Variants in FRMPD4 observed in about 807,000 individuals in gnomAD.
FRMPD4 encodes the protein FERM and PDZ domain-containing protein 4.
In FRMPD4, 22 loss-of-function variants were observed where a neutral mutation model predicts 94.1. The ratio of observed to expected loss-of-function variants is 0.23; its 90% CI spans 0.17 to 0.33. The LOEUF (loss-of-function observed/expected upper bound fraction) is 0.33, where lower values mean the gene tolerates loss of function less well. Ranked by LOEUF, FRMPD4 falls within the 10% of genes least tolerant of loss-of-function variation. The pLI, the probability that FRMPD4 is intolerant of heterozygous loss-of-function variation, is 1.00. For synonymous variants in FRMPD4, 631 were observed against 548.6 expected (o/e 1.15, Z -2.10); for missense variants, 1,111 against 1,339.9 (o/e 0.83, Z 2.67).
chrX:12,526,978 A>T (rs923120823), intron 2 of FRMPD4, among the ~76,000 whole-genome samples: 11 of 110,163 alleles, frequency 1.0e-4, no homozygotes, highest in African/African-American at 3.0e-4. Context: ...TACAAGTTTA[A>T]AAAAAAAAGT....
intron 1 of FRMPD4, among the ~76,000 whole-genome samples, chrX:12,224,482 A>G (rs1330605304): frequency 9.0e-6 from 1 of 111,405 alleles, no homozygotes; most frequent in African/African-American, 3.3e-5. Flanking sequence ...TGGATATTTT[A>G]AATGAACAGA....
At chrX:12,504,016 T>G (rs1032819806) in intron 2 of FRMPD4, among the ~76,000 whole-genome samples, 2 of 112,275 alleles carry the variant, frequency 1.8e-5, no homozygotes, top group Non-Finnish European at 1.9e-5. Flanking sequence ...TCCCCTGTGA[T>G]ATTTTTATAT....
intron 1 of FRMPD4, among the ~76,000 whole-genome samples, chrX:12,497,358 G>A (rs948870261): frequency 2.7e-5 from 3 of 110,204 alleles, no homozygotes; most frequent in African/African-American, 9.9e-5. Context: ...CTCTACTAGC[G>A]TAGAGAAATT....
upstream of FRMPD4, among the ~76,000 whole-genome samples, chrX:12,135,829 C>G (rs746820326): frequency 7.9e-4 from 89 of 112,026 alleles, no homozygotes; most frequent in Non-Finnish European, 8.3e-4. Context: ...CAACTGTTCT[C>G]TTCTCAGAAG....
At chrX:12,307,236 C>A (rs12834773) in intron 1 of FRMPD4, among the ~76,000 whole-genome samples, 4,575 of 112,004 alleles carry the variant, frequency 0.041, 112 homozygotes, top group South Asian at 0.065. Flanking sequence ...AGATAATAAT[C>A]TGGTGGCTTG....
intron 1 of FRMPD4, among the ~76,000 whole-genome samples, chrX:12,426,285 C>T (rs1293966152): frequency 9.0e-6 from 1 of 110,744 alleles, no homozygotes; most frequent in Non-Finnish European, 1.9e-5. Flanking sequence ...ATCCTGATTG[C>T]CTGTGAAGAA....
At chrX:12,016,399 T>G (rs887670172) in intron 3 of FRMPD4, among the ~76,000 whole-genome samples, 2 of 112,071 alleles carry the variant, frequency 1.8e-5, no homozygotes, top group African/African-American at 6.5e-5. Flanking sequence ...GTGGAGTGAA[T>G]TGATTTTATA....
At chrX:12,061,064 T>C (rs1320088110) in intron 3 of FRMPD4, among the ~76,000 whole-genome samples, 1 of 112,288 alleles carries the variant, frequency 8.9e-6, no homozygotes, top group Non-Finnish European at 1.9e-5. Flanking sequence ...AAGACAAGTT[T>C]ATTAATGTGT....
At chrX:12,313,782 A>G (rs779399214) in intron 1 of FRMPD4, among the ~76,000 whole-genome samples, 2 of 111,417 alleles carry the variant, frequency 1.8e-5, no homozygotes, top group African/African-American at 3.3e-5. Flanking sequence ...TTTTTATTGT[A>G]TGAATCTGGT....
chrX:12,271,102 A>G (rs1362461531), intron 1 of FRMPD4, among the ~76,000 whole-genome samples: 1 of 112,054 alleles, frequency 8.9e-6, no homozygotes, highest in Non-Finnish European at 1.9e-5. Context: ...ATTCCCATAT[A>G]CACTAGGTAA....
chrX:12,477,387 T>C (rs2057616042), intron 1 of FRMPD4, among the ~76,000 whole-genome samples: 2 of 111,950 alleles, frequency 1.8e-5, no homozygotes, highest in Admixed American at 1.9e-4. Context: ...CACACCAACA[T>C]GGCACACGTA....
At position 12,716,353 on chromosome X, in the gene FRMPD4, A is replaced by G. The variant is rs148161958; in HGVS notation, c.1894A>G (p.Thr632Ala). Residue 632 changes from threonine to alanine, a missense_variant, in exon 15 of 17, where the codon ACC becomes GCC. Thr to Ala is a moderately conservative substitution (Grantham distance 58). Transcript: ENST00000675598. Reference sequence around the variant, plus strand: ...AAGTCTAGCTCAGCGGTCCCTATTGACCCTCTCAGGACCAGAAACTCTGAA... The same window carrying G: ...AAGTCTAGCTCAGCGGTCCCTATTGGCCCTCTCAGGACCAGAAACTCTGAA... ...YRSLAQRSLL[T>A]LSGPETLKKA... 3 of 1,209,644 alleles carry G rather than the reference A, an allele frequency of 2.5e-6. No homozygotes were observed. The highest frequency in any genetic ancestry group is 3.4e-6 in the Non-Finnish European group (3 of 894,946).
In FRMPD4 at chrX:12,222,869, T is replaced by A. The variant is rs746337526; in HGVS notation, c.41+83857T>A. On this transcript the variant is annotated intron_variant, in intron 1 of 16. Coordinates refer to ENST00000675598, the MANE Select transcript of FRMPD4 (RefSeq NM_001368397.1). The stretch of plus-strand genomic sequence containing the variant: ...AGTATTCTGTTGTAGAGATGTACCA[T>A]GTTTTGTTTATCCATTCACCAGATA... 3.7e-4 allele frequency among the ~76,000 whole-genome samples: 41 copies of A among 112,302 alleles called. 1 individual carries two copies. In the Admixed American group the frequency reaches 3.7e-3, roughly 10 times the overall value.
chrX:12,701,458 G>A (rs2060190302), intron 9 of FRMPD4, among the ~76,000 whole-genome samples: 1 of 110,898 alleles, frequency 9.0e-6, no homozygotes, highest in South Asian at 3.9e-4. Context: ...CAATTAAGAA[G>A]GTGCCCAAGT....
At position 12,521,012 on chromosome X, in the gene FRMPD4, T is replaced by C. The variant is rs778202244; in HGVS notation, c.158+22216T>C. On this transcript the variant is annotated intron_variant, in intron 2 of 16. Transcript: ENST00000675598. Reference sequence around the variant, plus strand: ...CTGTTGCAGCTACTCAACTCTGCCATTGCATCATGAAAGCAACCAGAGACG... The same window carrying C: ...CTGTTGCAGCTACTCAACTCTGCCACTGCATCATGAAAGCAACCAGAGACG... Among the ~76,000 whole-genome samples the C allele has an allele frequency of 4.4e-5, 5 of 112,457 alleles. No homozygotes were observed. In the South Asian group the frequency reaches 1.9e-3, roughly 42 times the overall value.
chrX:12,449,709 C>T (rs949284240), intron 1 of FRMPD4, among the ~76,000 whole-genome samples: 3 of 111,582 alleles, frequency 2.7e-5, no homozygotes, highest in African/African-American at 9.8e-5. Flanking sequence ...CAGTTCAGGC[C>T]AGGCAGGGTG....
chrX:12,613,011 T>C (rs1389584111), intron 3 of FRMPD4, among the ~76,000 whole-genome samples: 1 of 112,167 alleles, frequency 8.9e-6, no homozygotes, highest in Non-Finnish European at 1.9e-5. Flanking sequence ...AGAGAACAAC[T>C]GAATTACTTT....
chrX:12,346,221 A>C (rs905837158), intron 1 of FRMPD4, among the ~76,000 whole-genome samples: 1 of 110,316 alleles, frequency 9.1e-6, no homozygotes, highest in Non-Finnish European at 1.9e-5. Context: ...ATGAAATAGC[A>C]TTATGATTCA....
intron 1 of FRMPD4, among the ~76,000 whole-genome samples, chrX:11,841,288 C>T (rs1321365094): frequency 1.8e-5 from 2 of 110,619 alleles, no homozygotes; most frequent in Non-Finnish European, 3.8e-5. Context: ...GGTCAAATGG[C>T]ATTTCTAGTT....
Sources: gnomAD v4.1 joint callset for allele counts (sites outside exome capture counted in the v4.1 genomes callset) on GRCh38, gnomAD v4.1.1 for gene constraint, MANE v1.5 for transcripts, NCBI Gene and HGNC (gene_info 2026-07-23, HGNC 2026-07-21) for gene names.